The following FBXL7 variants were observed in gnomAD, a reference collection of about 807,000 sequenced individuals.
FBXL7 encodes F-box and leucine rich repeat protein 7, also known as F-box/LRR-repeat protein 7.
FBXL7 carries 12 observed loss-of-function variants against 38.3 expected under a neutral mutation model. That is an observed-to-expected ratio of 0.31 (90% CI 0.20 to 0.51). The LOEUF (loss-of-function observed/expected upper bound fraction) is 0.51, where lower values mean the gene tolerates loss of function less well. FBXL7 is among the 20% of genes least tolerant of loss of function. The probability of loss-of-function intolerance (pLI) is 0.98; values close to 1 mark genes in which losing one functional copy is unlikely to be tolerated. For synonymous variants in FBXL7, 297 were observed against 300.9 expected, an observed-to-expected ratio of 0.99 and a Z score of 0.13; for missense variants, 567 against 676.4, an observed-to-expected ratio of 0.84 and a Z score of 1.79.
chr5:15,918,247 AAAAG>A (rs1351952984), intron 2 of FBXL7, among the ~76,000 whole-genome samples: 11 of 152,190 alleles, frequency 7.2e-5, no homozygotes, highest in Non-Finnish European at 1.5e-4. Flanking sequence ...TCAAAAGAAA[AAAAG>A]AAAAGAATAA....
chr5:15,870,311 G>A (rs1284498617), intron 2 of FBXL7, among the ~76,000 whole-genome samples: 2 of 152,094 alleles, frequency 1.3e-5, no homozygotes, highest in East Asian at 3.9e-4. Flanking sequence ...AAGAGCAGAG[G>A]TTGGTGAGGT....
intron 2 of FBXL7, among the ~76,000 whole-genome samples, chr5:15,717,853 G>T (rs766519296): frequency 2.0e-5 from 3 of 152,076 alleles, no homozygotes; most frequent in Non-Finnish European, 4.4e-5. Context: ...AAGGATCTTT[G>T]ATCAGATTCT....
intron 2 of FBXL7, among the ~76,000 whole-genome samples, chr5:15,820,976 G>A (rs895927995): frequency 6.6e-6 from 1 of 152,160 alleles, no homozygotes; most frequent in Admixed American, 6.5e-5. Context: ...CAGTGTCATG[G>A]TCTGCGGTAT....
intron 2 of FBXL7, among the ~76,000 whole-genome samples, chr5:15,741,968 T>C (rs1735904725): frequency 6.6e-6 from 1 of 152,096 alleles, no homozygotes; most frequent in African/African-American, 2.4e-5. Flanking sequence ...TCAGAGGTAA[T>C]GGTTTTACTG....
intron 1 of FBXL7, among the ~76,000 whole-genome samples, chr5:15,526,436 G>C (rs562136283): frequency 2.0e-4 from 31 of 152,302 alleles, no homozygotes; most frequent in African/African-American, 7.5e-4. Flanking sequence ...TGGGGAACAA[G>C]AATTCCAAAG....
intron 2 of FBXL7, among the ~76,000 whole-genome samples, chr5:15,632,552 C>G (rs1299477737): frequency 2.6e-4 from 39 of 152,060 alleles, no homozygotes; most frequent in Admixed American, 2.5e-3. Context: ...ACAAATTGTT[C>G]TACCGAAAAG....
chr5:15,605,323 A>G (rs1739967774), intron 1 of FBXL7, among the ~76,000 whole-genome samples: 1 of 152,188 alleles, frequency 6.6e-6, no homozygotes, highest in Non-Finnish European at 1.5e-5. Context: ...CAAAAGATGG[A>G]AGCACCCCAA....
intron 2 of FBXL7, among the ~76,000 whole-genome samples, chr5:15,646,116 T>C (rs1741525878): frequency 6.7e-6 from 1 of 150,242 alleles, no homozygotes; most frequent in Admixed American, 6.6e-5. Context: ...GTGGGGATAA[T>C]AGTATATGTT....
At chr5:15,892,593 C>T (rs1331179672) in intron 2 of FBXL7, among the ~76,000 whole-genome samples, 1 of 152,146 alleles carries the variant, frequency 6.6e-6, no homozygotes, top group Non-Finnish European at 1.5e-5. Flanking sequence ...TTACTTATTA[C>T]ATCTGAAAAC....
At chr5:15,883,536 C>T (rs532616960) in intron 2 of FBXL7, among the ~76,000 whole-genome samples, 1 of 152,266 alleles carries the variant, frequency 6.6e-6, no homozygotes, top group Admixed American at 6.5e-5. Flanking sequence ...TTGGGCACCA[C>T]GAATTCACTT....
chr5:15,692,641 G>A lies in FBXL7; in HGVS notation c.127+76569G>A, dbSNP rs77334542. Among the ~76,000 whole-genome samples, 393 of 152,246 alleles carry A rather than the reference G, an allele frequency of 2.6e-3. 4 individuals are homozygous for A. Among genetic ancestry groups the A allele is most frequent in the African/African-American group, 9.0e-3 (374 of 41,554 alleles). ...TGGGGACTTCATCCAGGCCTGATCC[G>A]AAATGGCCATCAGGCTGCAAATAAA... On this transcript the variant is annotated intron_variant, in intron 2 of 3. Coordinates refer to ENST00000504595, the MANE Select transcript of FBXL7 (RefSeq NM_012304.5).
At chr5:15,661,532 G>C (rs1236905215) in intron 2 of FBXL7, among the ~76,000 whole-genome samples, 1 of 152,020 alleles carries the variant, frequency 6.6e-6, no homozygotes, top group Non-Finnish European at 1.5e-5. Flanking sequence ...TAAGTTTTTT[G>C]ATAGATATTC....
At chr5:15,707,879 G>C (rs1481724061) in intron 2 of FBXL7, among the ~76,000 whole-genome samples, 1 of 152,136 alleles carries the variant, frequency 6.6e-6, no homozygotes, top group East Asian at 1.9e-4. Flanking sequence ...CTAGGATGGA[G>C]ATTTGTTCCT....
chr5:15,730,362 AATC>A (rs1270004878), intron 2 of FBXL7, among the ~76,000 whole-genome samples: 2 of 152,106 alleles, frequency 1.3e-5, no homozygotes, highest in African/African-American at 4.8e-5. Context: ...TGGATTTCTT[AATC>A]ATATCTTGGC....
At chr5:15,789,701 C>G (rs750588992) in intron 2 of FBXL7, among the ~76,000 whole-genome samples, 5 of 152,222 alleles carry the variant, frequency 3.3e-5, no homozygotes, top group Admixed American at 6.5e-5. Context: ...CCTTTGGTTC[C>G]AATCTTCTTC....
At chr5:15,707,179 T>G in intron 2 of FBXL7, among the ~76,000 whole-genome samples, 1 of 138,330 alleles carries the variant, frequency 7.2e-6, no homozygotes, top group Non-Finnish European at 1.6e-5. Flanking sequence ...TTTTCGTTTT[T>G]TTTTTTTTTT....
intron 1 of FBXL7, among the ~76,000 whole-genome samples, chr5:15,519,528 A>C (rs569504586): frequency 3.0e-4 from 46 of 152,200 alleles, no homozygotes; most frequent in African/African-American, 1.0e-3. Flanking sequence ...TGGCTCAAAG[A>C]AGTTGTCACA....
At chr5:15,557,065 G>C (rs1350952403) in intron 1 of FBXL7, among the ~76,000 whole-genome samples, 1 of 152,170 alleles carries the variant, frequency 6.6e-6, no homozygotes, top group Non-Finnish European at 1.5e-5. Context: ...AGCCTCCCCA[G>C]TAGCTGGGAC....
At chr5:15,682,151 G>A (rs1384064001) in intron 2 of FBXL7, among the ~76,000 whole-genome samples, 1 of 152,228 alleles carries the variant, frequency 6.6e-6, no homozygotes, top group African/African-American at 2.4e-5. Flanking sequence ...GCTCCATTGT[G>A]TCATTTAGAC....
Sources: gnomAD v4.1 joint callset for allele counts (sites outside exome capture counted in the v4.1 genomes callset) on GRCh38, gnomAD v4.1.1 for gene constraint, MANE v1.5 for transcripts, NCBI Gene and HGNC (gene_info 2026-07-23, HGNC 2026-07-21) for gene names.